SSBP2: variants seen among roughly 807,000 people sequenced by gnomAD.
The protein encoded by SSBP2 is single-stranded DNA-binding protein 2.
A neutral mutation model predicts 61.8 loss-of-function variants in SSBP2; 17 were observed. The ratio of observed to expected loss-of-function variants is 0.28; its 90% confidence interval spans 0.19 to 0.41. SSBP2 has a LOEUF of 0.41. Among genes scored for constraint, SSBP2 ranks in the 10% least tolerant of loss-of-function variants. The pLI is 1.00. For synonymous variants in SSBP2, 139 were observed against 141.3 expected, an observed-to-expected ratio of 0.98 and a Z score of 0.12; for missense variants, 310 against 458.7, an observed-to-expected ratio of 0.68 and a Z score of 2.96.
At chr5:81,496,421 C>CCG (rs1346693883) in intron 5 of SSBP2, among the ~76,000 whole-genome samples, 1 of 152,140 alleles carries the variant, frequency 6.6e-6, no homozygotes, top group Non-Finnish European at 1.5e-5. Context: ...CTTAGGTGAT[C>CCG]CGCCTGCCTA....
chr5:81,485,962 T>A (rs1242774187), intron 6 of SSBP2, among the ~76,000 whole-genome samples: 3 of 152,202 alleles, frequency 2.0e-5, no homozygotes, highest in Non-Finnish European at 4.4e-5. Context: ...TAAAACAATA[T>A]TATTTATATT....
chr5:81,441,478 A>G (rs953225122), intron 13 of SSBP2, among the ~76,000 whole-genome samples: 2 of 152,148 alleles, frequency 1.3e-5, no homozygotes, highest in African/African-American at 4.8e-5. Flanking sequence ...TTTCTCTTCA[A>G]ATTTCCCATG....
At chr5:81,493,802 T>A (rs772747005) in intron 5 of SSBP2, among the ~76,000 whole-genome samples, 180 of 152,112 alleles carry the variant, frequency 1.2e-3, no homozygotes, top group Middle Eastern at 3.4e-3. Flanking sequence ...CTCGCTCTGC[T>A]GCCCAGGCTG....
chr5:81,605,399 TA>T (rs1744780066), intron 4 of SSBP2, among the ~76,000 whole-genome samples: 1 of 152,164 alleles, frequency 6.6e-6, no homozygotes, highest in Non-Finnish European at 1.5e-5. Flanking sequence ...TAAAAAGTCC[TA>T]AATTTCTTTC....
chr5:81,501,215 AT>A (rs2154069899), intron 5 of SSBP2, among the ~76,000 whole-genome samples: 2 of 4,698 alleles, frequency 4.3e-4, no homozygotes, highest in African/African-American at 1.7e-3. Flanking sequence ...CATCTCAAAT[AT>A]ATATATATAT....
At chr5:81,568,096 A>G (rs1424320532) in intron 4 of SSBP2, among the ~76,000 whole-genome samples, 7 of 152,154 alleles carry the variant, frequency 4.6e-5, no homozygotes, top group Admixed American at 2.6e-4. Context: ...TTGGGAAGGC[A>G]TAATTCGTTT....
At chr5:81,706,370 G>A (rs980304914) in intron 1 of SSBP2, among the ~76,000 whole-genome samples, 2 of 152,104 alleles carry the variant, frequency 1.3e-5, no homozygotes, top group Non-Finnish European at 2.9e-5. Context: ...CTGAAAAACT[G>A]TTAGGTACTA....
intron 4 of SSBP2, among the ~76,000 whole-genome samples, chr5:81,536,407 T>C (rs766982231): frequency 1.8e-4 from 27 of 152,060 alleles, no homozygotes; most frequent in Non-Finnish European, 2.8e-4. Context: ...TACAGGTTAT[T>C]TCATCACCCA....
chr5:81,636,747 T>A, intron 2 of SSBP2, 129 bp from the exon 3 acceptor site: 1 of 811,416 alleles, frequency 1.2e-6, no homozygotes, highest in East Asian at 2.7e-5. Flanking sequence ...TGATATTTTT[T>A]ACCCAAGTTT....
intron 1 of SSBP2, among the ~76,000 whole-genome samples, chr5:81,747,516 T>C (rs1317675690): frequency 6.6e-6 from 1 of 152,136 alleles, no homozygotes; most frequent in Non-Finnish European, 1.5e-5. Flanking sequence ...ATAATAGTTA[T>C]TTTTGTTGTA....
chr5:81,551,515 C>T (rs374628220), intron 4 of SSBP2, among the ~76,000 whole-genome samples: 2 of 152,104 alleles, frequency 1.3e-5, no homozygotes, highest in South Asian at 2.1e-4. Context: ...TACAATCAGT[C>T]TTTCTCAATG....
chr5:81,642,456 A>G (rs1018524541), intron 2 of SSBP2, among the ~76,000 whole-genome samples: 8 of 152,172 alleles, frequency 5.3e-5, no homozygotes, highest in African/African-American at 1.7e-4. Flanking sequence ...GGCCTTGTCT[A>G]TGAATATGCT....
intron 4 of SSBP2, among the ~76,000 whole-genome samples, chr5:81,549,726 T>C (rs1169419365): frequency 1.3e-5 from 2 of 152,176 alleles, no homozygotes; most frequent in Non-Finnish European, 2.9e-5. Flanking sequence ...AGCAATGTTA[T>C]TGAGAAATGA....
chr5:81,623,578 G>A (rs1197750786), intron 3 of SSBP2, among the ~76,000 whole-genome samples: 2 of 151,674 alleles, frequency 1.3e-5, no homozygotes, highest in South Asian at 2.1e-4. Context: ...CTCATGATCC[G>A]CCCGTCTCGG....
chr5:81,451,371 C>T (rs1405712088), intron 10 of SSBP2, among the ~76,000 whole-genome samples: 2 of 150,896 alleles, frequency 1.3e-5, no homozygotes, highest in African/African-American at 2.4e-5. Flanking sequence ...GGTAGCTTTT[C>T]TCAACTATCT....
At chr5:81,612,446 G>T (rs1022142109) in intron 4 of SSBP2, among the ~76,000 whole-genome samples, 2 of 152,002 alleles carry the variant, frequency 1.3e-5, no homozygotes, top group African/African-American at 4.8e-5. Flanking sequence ...CAGATATTTG[G>T]AAAATACAGT....
intron 6 of SSBP2, among the ~76,000 whole-genome samples, chr5:81,485,148 A>G (rs1561455878): frequency 6.6e-6 from 1 of 152,180 alleles, no homozygotes; most frequent in East Asian, 1.9e-4. Flanking sequence ...CAGATGCTTC[A>G]ATACCAAAGA....
intron 1 of SSBP2, among the ~76,000 whole-genome samples, chr5:81,689,824 T>C (rs951170857): frequency 2.0e-5 from 3 of 152,122 alleles, no homozygotes; most frequent in African/African-American, 7.2e-5. Context: ...ACTGTAATTG[T>C]GGTGTTTAAA....
chr5:81,518,028 C>T (rs185377270), intron 4 of SSBP2, among the ~76,000 whole-genome samples: 1 of 152,134 alleles, frequency 6.6e-6, no homozygotes, highest in East Asian at 1.9e-4. Context: ...AGATTCTACA[C>T]ACTGAATAAC....
Sources: allele counts gnomAD v4.1 joint callset (sites outside exome capture counted in the v4.1 genomes callset), GRCh38; gene constraint gnomAD v4.1.1; transcripts MANE v1.5; gene names NCBI Gene and HGNC (gene_info 2026-07-23, HGNC 2026-07-21).